Variants in MIPEP observed in about 807,000 individuals in gnomAD.
MIPEP encodes mitochondrial intermediate peptidase.
Under a neutral mutation model 90.3 loss-of-function variants are expected in MIPEP, and 79 were observed. That is an observed-to-expected ratio of 0.87 (90% CI 0.73 to 1.05). MIPEP has a LOEUF of 1.05. Ranked by LOEUF, MIPEP falls within the 50% of genes least tolerant of loss-of-function variation. MIPEP has a pLI of 0.00. For synonymous variants in MIPEP, 334 were observed against 315.8 expected (o/e 1.06, Z -0.61); for missense variants, 940 against 905.6 (o/e 1.04, Z -0.49).
At chr13:23,789,545 T>C (rs1952880107) in intron 16 of MIPEP, among the ~76,000 whole-genome samples, 1 of 152,214 alleles carries the variant, frequency 6.6e-6, no homozygotes, top group African/African-American at 2.4e-5. Context: ...CCCATAGCAT[T>C]ACTCCAAAGT....
chr13:23,865,702 C>T (rs1225702149), intron 7 of MIPEP, among the ~76,000 whole-genome samples: 1 of 145,162 alleles, frequency 6.9e-6, no homozygotes, highest in African/African-American at 2.5e-5. Context: ...TGGAGTCTTG[C>T]TCTGTTGCCC....
At chr13:23,792,079 C>A (rs1952902618) in intron 16 of MIPEP, among the ~76,000 whole-genome samples, 1 of 152,150 alleles carries the variant, frequency 6.6e-6, no homozygotes, top group South Asian at 2.1e-4. Flanking sequence ...CCTCTCAATT[C>A]ACCTTTTTTT....
rs1381757546 is a variant in MIPEP at position 23,760,084 on chromosome 13, T to C, written c.1970+12A>G. 6.2e-7 allele frequency: 1 copy of C among 1,614,050 alleles called. No homozygotes were observed. The highest frequency in any genetic ancestry group is 1.1e-5 in the South Asian group (1 of 91,080). ...GTCCAAGATGGGGACATTTTAGAAC[T>C]TACCCCCTTACCTGTTGAAAGGATC... On this transcript the variant is annotated intron_variant, in intron 17 of 18. Coordinates refer to ENST00000382172, the MANE Select transcript of MIPEP (RefSeq NM_005932.4).
At chr13:23,834,384 C>T (rs944065972) in intron 14 of MIPEP, among the ~76,000 whole-genome samples, 3 of 152,204 alleles carry the variant, frequency 2.0e-5, no homozygotes, top group Non-Finnish European at 2.9e-5. Context: ...CCAGGCCTCC[C>T]CAGCAGTCTA....
At chr13:23,769,892 G>A (rs915627355) in intron 16 of MIPEP, among the ~76,000 whole-genome samples, 1 of 152,038 alleles carries the variant, frequency 6.6e-6, no homozygotes, top group African/African-American at 2.4e-5. Flanking sequence ...TGGGACTGGT[G>A]GCTTTATAAG....
chr13:23,773,607 C>T (rs570236148), intron 16 of MIPEP, among the ~76,000 whole-genome samples: 185 of 152,294 alleles, frequency 1.2e-3, no homozygotes, highest in Non-Finnish European at 1.7e-3. Context: ...CCAATTTCTC[C>T]ACATCCACAC....
At chr13:23,754,701 C>T (rs1390507546) in intron 18 of MIPEP, among the ~76,000 whole-genome samples, 2 of 152,194 alleles carry the variant, frequency 1.3e-5, no homozygotes, top group Non-Finnish European at 2.9e-5. Flanking sequence ...GGTGTAGCAG[C>T]ATGGCCTGGG....
In MIPEP at chr13:23,730,446, C is replaced by T. The variant is rs1952193097; in HGVS notation, c.2045-1G>A. On this transcript the variant is annotated splice_acceptor_variant, in intron 18 of 18. Transcript: ENST00000382172. LOFTEE classifies it high-confidence loss of function. Reference sequence around the variant, plus strand: ...ACAGAAGGACACTTCTGAAGCATACCTGCAAACAAAGGAAAGGTCAGAACT... The same window carrying T: ...ACAGAAGGACACTTCTGAAGCATACTTGCAAACAAAGGAAAGGTCAGAACT... 2 of 1,607,356 alleles carry T rather than the reference C, an allele frequency of 1.2e-6. No homozygotes were observed. Among genetic ancestry groups the T allele is most frequent in the East Asian group, 4.5e-5 (2 of 44,452 alleles).
intron 16 of MIPEP, among the ~76,000 whole-genome samples, chr13:23,774,216 A>C (rs1397250497): frequency 6.6e-6 from 1 of 152,170 alleles, no homozygotes; most frequent in East Asian, 1.9e-4. Context: ...AACTGAACAT[A>C]AATGTATGGC....
At chr13:23,790,479 G>A (rs1201515554) in intron 16 of MIPEP, among the ~76,000 whole-genome samples, 3 of 152,228 alleles carry the variant, frequency 2.0e-5, no homozygotes, top group Admixed American at 2.0e-4. Context: ...GGACTTTGCA[G>A]ATGTGATTAA....
chr13:23,739,981 T>C (rs1952308084), intron 18 of MIPEP, among the ~76,000 whole-genome samples: 2 of 152,170 alleles, frequency 1.3e-5, no homozygotes, highest in South Asian at 4.1e-4. Context: ...GATATTGCTT[T>C]TTTCCACCTA....
intron 15 of MIPEP, among the ~76,000 whole-genome samples, chr13:23,809,404 G>A (rs1043437289): frequency 6.6e-6 from 1 of 151,438 alleles, no homozygotes; most frequent in African/African-American, 2.4e-5. Flanking sequence ...GGAGTCAGTG[G>A]CAAGATCTCG....
At chr13:23,787,315 C>T (rs997526930) in intron 16 of MIPEP, among the ~76,000 whole-genome samples, 2 of 152,014 alleles carry the variant, frequency 1.3e-5, no homozygotes, top group East Asian at 1.9e-4. Flanking sequence ...TGATGACGGC[C>T]TGCTTCCAGT....
At chr13:23,806,751 T>TCTAC (rs1326878050) in intron 15 of MIPEP, among the ~76,000 whole-genome samples, 1 of 151,288 alleles carries the variant, frequency 6.6e-6, no homozygotes, top group East Asian at 1.9e-4. Context: ...TATCTATCTA[T>TCTAC]CTATCTATCT....
At chr13:23,864,820 GA>G (rs1009750485) in intron 7 of MIPEP, among the ~76,000 whole-genome samples, 24 of 150,124 alleles carry the variant, frequency 1.6e-4, no homozygotes, top group Middle Eastern at 3.5e-3. Context: ...ATATGTGTAA[GA>G]AAAAAAAGTT....
chr13:23,823,192 T>C (rs1249978419), intron 14 of MIPEP, among the ~76,000 whole-genome samples: 4 of 152,168 alleles, frequency 2.6e-5, no homozygotes, highest in South Asian at 4.1e-4. Context: ...AGGAGCACTG[T>C]GTGAAAGACG....
chr13:23,805,254 AACT>A (rs1483425085), intron 16 of MIPEP, among the ~76,000 whole-genome samples: 1 of 152,192 alleles, frequency 6.6e-6, no homozygotes, highest in Non-Finnish European at 1.5e-5. Context: ...CACGGTGCTC[AACT>A]GCTCCTTACA....
At chr13:23,845,826 T>C (rs1458797095) in intron 10 of MIPEP, among the ~76,000 whole-genome samples, 1 of 152,210 alleles carries the variant, frequency 6.6e-6, no homozygotes, top group Non-Finnish European at 1.5e-5. Context: ...TTTAGCTATG[T>C]GTGCTGCATT....
intron 17 of MIPEP, among the ~76,000 whole-genome samples, chr13:23,756,996 T>C (rs1952496585): frequency 6.6e-6 from 1 of 152,172 alleles, no homozygotes; most frequent in Non-Finnish European, 1.5e-5. Flanking sequence ...GGGGGAGGGA[T>C]GGTTTCAGGA....
Sources: allele counts gnomAD v4.1 joint callset (sites outside exome capture counted in the v4.1 genomes callset), GRCh38; gene constraint gnomAD v4.1.1; transcripts MANE v1.5; gene names NCBI Gene and HGNC (gene_info 2026-07-23, HGNC 2026-07-21).